GTPBP1: variants seen among roughly 807,000 people sequenced by gnomAD.
The protein encoded by GTPBP1 is GTP-binding protein 1.
A neutral mutation model predicts 62.0 loss-of-function variants in GTPBP1; 23 were observed. The ratio of observed to expected loss-of-function variants is 0.37; its 90% confidence interval spans 0.27 to 0.53. The LOEUF is 0.53. GTPBP1 is among the 20% of genes least tolerant of loss of function. The probability of loss-of-function intolerance (pLI) is 0.89; values close to 1 mark genes in which losing one functional copy is unlikely to be tolerated. For missense variants in GTPBP1, 640 were observed against 917.3 expected (o/e 0.70, Z 3.90); for synonymous variants, 344 against 364.4 (o/e 0.94, Z 0.64).
chr22:38,724,320 C>G lies in GTPBP1; in HGVS notation c.982C>G (p.Leu328Val). The change falls in exon 6 of 12, where the codon CTG (leucine) becomes GTG (valine). Residue 328 changes from leucine to valine, a missense_variant. Leu to Val is a conservative substitution (Grantham distance 32). This residue lies in a region of GTPBP1 where 220 missense variants were observed against 358.1 expected (regional missense o/e 0.61). Transcript: ENST00000216044. ...AGAAACCCTGAAGCTGTTACAGCGC[C>G]TGCTGAAGTCACCAGGCTGCCGGAA... Reference protein sequence around the residue: ...LQETLKLLQRLLKSPGCRKIP... With the variant: ...LQETLKLLQRVLKSPGCRKIP... 1 of 1,612,376 alleles carries G rather than the reference C, an allele frequency of 6.2e-7. No homozygotes were observed. The highest frequency in any genetic ancestry group is 8.5e-7 in the Non-Finnish European group (1 of 1,178,394).
At chr22:38,741,853 TGAG>T (rs1410487060), downstream of GTPBP1, among the ~76,000 whole-genome samples, 2 of 152,008 alleles carry the variant, frequency 1.3e-5, no homozygotes, top group Non-Finnish European at 2.9e-5. Context: ...TTAGAGAAGG[TGAG>T]GAGGCCTGGC....
chr22:38,734,512 C>G (rs2145904159), downstream of GTPBP1: 1 of 321,760 alleles, frequency 3.1e-6, no homozygotes, highest in Non-Finnish European at 6.4e-6. Context: ...AGCCACCTCA[C>G]TGCTTCCTCA....
chr22:38,708,406 C>G (rs1010494373), intron 1 of GTPBP1, among the ~76,000 whole-genome samples: 1 of 152,182 alleles, frequency 6.6e-6, no homozygotes, highest in Non-Finnish European at 1.5e-5. Context: ...TTTTGTTATC[C>G]TGGAAGCCAC....
Position 38,727,220 on chromosome 22 carries a change from G to A in GTPBP1, c.1409G>A (p.Arg470His). The change falls in exon 9 of 12, where the codon CGC becomes CAC. Residue 470 changes from arginine to histidine, a missense_variant. Arg to His is a conservative substitution (Grantham distance 29). Around this residue, in one of 4 missense-constraint regions of GTPBP1, gnomAD observed 220 missense variants for 358.1 expected, o/e 0.61. Coordinates refer to ENST00000216044, the MANE Select transcript of GTPBP1 (RefSeq NM_004286.5). The surrounding 1 kb of genome is among the most constrained non-coding windows in gnomAD (Gnocchi z 6.5). The part of the protein sequence containing the change: ...TASFALKKIK[R>H]SSIRKGMVMV... ...GCTCCCTCTTTCTTTCAGATCAAGC[G>A]CTCGTCCATCCGGAAGGGCATGGTG... The A allele has an allele frequency of 6.3e-7, 1 of 1,582,628 alleles. No individual in the cohort carries two copies. Among genetic ancestry groups the A allele is most frequent in the South Asian group, 1.1e-5 (1 of 87,308 alleles).
intron 2 of GTPBP1, among the ~76,000 whole-genome samples, chr22:38,712,960 G>A (rs1382570674): frequency 6.6e-6 from 1 of 152,190 alleles, no homozygotes; most frequent in Non-Finnish European, 1.5e-5. Flanking sequence ...GGGGCATCAG[G>A]AAATTGTTGC....
At chr22:38,741,501 G>T (rs143302352), downstream of GTPBP1, 40 of 1,613,794 alleles carry the variant, frequency 2.5e-5, no homozygotes, top group African/African-American at 4.9e-4. Flanking sequence ...GACCTGGGAG[G>T]CCCGGACGAT....
intron 2 of GTPBP1, among the ~76,000 whole-genome samples, chr22:38,713,109 G>C (rs1331575995): frequency 6.6e-6 from 1 of 152,166 alleles, no homozygotes; most frequent in African/African-American, 2.4e-5. Context: ...GTAGGATTTT[G>C]CTAGGAGGAG....
At chr22:38,723,100 G>T in intron 5 of GTPBP1, 2 of 770,018 alleles carry the variant, frequency 2.6e-6, no homozygotes, top group Non-Finnish European at 2.4e-6. Flanking sequence ...GACTAAAGTG[G>T]GAATCCACTG....
rs1181093673 is a variant in GTPBP1 at position 38,716,557 on chromosome 22, TG to T, written c.486-93del. Reference sequence around the variant, plus strand: ...GAGCCGGAGGGGATCGGGGCAAGCCTGGACTTGCGGATCCAATTACTGGGGT... The same window carrying T: ...GAGCCGGAGGGGATCGGGGCAAGCCTGACTTGCGGATCCAATTACTGGGGT... On this transcript the variant is annotated intron_variant, in intron 3 of 11. Coordinates refer to ENST00000216044, the MANE Select transcript of GTPBP1 (RefSeq NM_004286.5). This position sits in a 1 kb window ranked among gnomAD's most constrained non-coding sequence, Gnocchi z 5.2. The T allele has an allele frequency of 3.3e-6, 3 of 908,106 alleles. No homozygotes were observed. The highest frequency in any genetic ancestry group is 5.2e-6 in the Non-Finnish European group (3 of 580,724). 56.3% of individuals were successfully genotyped at this position (908,106 alleles called of 1,614,324 possible). A position where few individuals can be genotyped will look rare whatever the true frequency, so the allele number is the denominator to read the frequency against.
rs762745180 is a variant in GTPBP1 at position 38,730,618 on chromosome 22, C to T, written c.1924C>T (p.Pro642Ser). The part of the protein sequence containing the change: ...ASSNLQPQPK[P>S]SSGGRRRGGQ... Reference sequence around the variant, plus strand: ...CTCCTTCTCTCTCTTTCAGCCTAAGCCCAGCAGTGGAGGCCGGCGACGAGG... The same window carrying T: ...CTCCTTCTCTCTCTTTCAGCCTAAGTCCAGCAGTGGAGGCCGGCGACGAGG... Residue 642 changes from proline (P) to serine (S), a missense_variant, in exon 12 of 12, where the codon CCC becomes TCC. Around this residue, in one of 4 missense-constraint regions of GTPBP1, gnomAD observed 117 missense variants for 107.1 expected, o/e 1.09. Transcript: ENST00000216044. This position sits in a 1 kb window ranked among gnomAD's most constrained non-coding sequence, Gnocchi z 5.6. The T allele has an allele frequency of 2.5e-6, 4 of 1,601,996 alleles. No homozygotes were observed. Among genetic ancestry groups the T allele is most frequent in the Non-Finnish European group, 2.6e-6 (3 of 1,175,404 alleles).
chr22:38,720,659 C>G (rs142586142), intron 4 of GTPBP1, among the ~76,000 whole-genome samples: 1 of 152,264 alleles, frequency 6.6e-6, no homozygotes, highest in East Asian at 1.9e-4. Context: ...ACATTTCATA[C>G]ACGTGCCCTG....
chr22:38,742,608 T>C (rs1289136205), downstream of GTPBP1: 2 of 1,560,002 alleles, frequency 1.3e-6, no homozygotes, highest in East Asian at 4.5e-5. Context: ...ATGATAGTGC[T>C]TCCCAAAGAC....
chr22:38,709,286 C>G (rs571850242), intron 2 of GTPBP1, among the ~76,000 whole-genome samples: 6 of 151,574 alleles, frequency 4.0e-5, no homozygotes, highest in African/African-American at 1.5e-4. Flanking sequence ...GAGTGAAACT[C>G]TGTCTCAAAA....
downstream of GTPBP1, chr22:38,738,825 C>G: frequency 5.6e-6 from 9 of 1,596,592 alleles, no homozygotes; most frequent in Non-Finnish European, 7.7e-6. This position sits in a 1 kb window ranked among gnomAD's most constrained non-coding sequence, Gnocchi z 6.6. Flanking sequence ...ATGGGACCAG[C>G]CCTCAGTGTG....
chr22:38,736,126 C>T (rs41280839), downstream of GTPBP1: 44 of 810,352 alleles, frequency 5.4e-5, no homozygotes, highest in Middle Eastern at 2.2e-4. Flanking sequence ...GAGACCCTGC[C>T]CGTCCTTTTC....
intron 4 of GTPBP1, among the ~76,000 whole-genome samples, chr22:38,718,605 G>A (rs757481651): frequency 3.3e-5 from 5 of 152,222 alleles, no homozygotes; most frequent in Admixed American, 6.5e-5. Context: ...GTGTCCTGGT[G>A]GAGGGAGAGG....
At position 38,726,421 on chromosome 22, in the gene GTPBP1, C is replaced by T. The variant is rs1392943065; in HGVS notation, c.1382C>T (p.Ala461Val). The change falls in exon 8 of 12, where the codon GCA becomes GTA. Residue 461 changes from alanine (A) to valine (V), a missense_variant. Physicochemically the swap from Ala to Val is moderately conservative, Grantham distance 64. Around this residue, in one of 4 missense-constraint regions of GTPBP1, gnomAD observed 220 missense variants for 358.1 expected, o/e 0.61. Coordinates refer to ENST00000216044, the MANE Select transcript of GTPBP1 (RefSeq NM_004286.5). The surrounding 1 kb of genome is among the most constrained non-coding windows in gnomAD (Gnocchi z 4.1). Reference sequence around the variant, plus strand: ...AAGGAGGTGCGGGGTGGCCAGACAGCATCCTTTGCGCTGAAGAAGGTGAGT... The same window carrying T: ...AAGGAGGTGCGGGGTGGCCAGACAGTATCCTTTGCGCTGAAGAAGGTGAGT... ...PVKEVRGGQT[A>V]SFALKKIKRS... is the part of the protein sequence containing the mutation. 1 of 1,613,510 alleles carries T rather than the reference C, an allele frequency of 6.2e-7. No homozygotes were observed. Among genetic ancestry groups the T allele is most frequent in the Non-Finnish European group, 8.5e-7 (1 of 1,179,846 alleles).
rs2092768330 is a variant in GTPBP1, at chr22:38,732,790, A to T, written c.*2086A>T. 1 of 152,292 alleles carries T rather than the reference A, an allele frequency of 6.6e-6. No homozygotes were observed. Among genetic ancestry groups the T allele is most frequent in the African/African-American group, 2.4e-5 (1 of 41,442 alleles). 9.4% of individuals were successfully genotyped at this position (152,292 alleles called of 1,614,324 possible). A position where few individuals can be genotyped will look rare whatever the true frequency, so the allele number is the denominator to read the frequency against. ...CTGCTCACTGCAACCTCCGCCTGCC[A>T]GTTTCAAGTGATTCTCTGCCTCAGC... On this transcript the variant is annotated 3_prime_UTR_variant, in exon 12 of 12. Coordinates refer to ENST00000216044, the MANE Select transcript of GTPBP1 (RefSeq NM_004286.5).
In GTPBP1 at chr22:38,716,007, G is replaced by A. The variant is rs777999118; in HGVS notation, c.405G>A (p.Arg135=). The A allele has an allele frequency of 1.9e-6, 3 of 1,614,134 alleles. No homozygotes were observed. In the South Asian group the frequency reaches 3.3e-5, roughly 18 times the overall value. The change falls in exon 3 of 12, where the codon CGG becomes CGA. Residue 135 remains arginine (R), a synonymous_variant. Transcript: ENST00000216044. The surrounding 1 kb of genome is among the most constrained non-coding windows in gnomAD (Gnocchi z 5.2). Reference sequence around the variant, plus strand: ...TAGAGGCCGATGTCATCCTTCTGCGGGAACGGCAAGAAGCTGGGGGCCGCG... The same window carrying A: ...TAGAGGCCGATGTCATCCTTCTGCGAGAACGGCAAGAAGCTGGGGGCCGCG... ...EQIEADVILL[R]ERQEAGGRVR...
Sources: allele counts gnomAD v4.1 joint callset (sites outside exome capture counted in the v4.1 genomes callset), GRCh38; gene constraint gnomAD v4.1.1; regional missense constraint gnomAD v4.1.1; non-coding constraint Gnocchi (gnomAD v3.1); transcripts MANE v1.5; gene names NCBI Gene and HGNC (gene_info 2026-07-23, HGNC 2026-07-21).